GDF5: variants seen among roughly 807,000 people sequenced by gnomAD.
GDF5 encodes the protein growth differentiation factor 5, also known as growth/differentiation factor 5.
A neutral mutation model predicts 34.6 loss-of-function variants in GDF5; 17 were observed. The ratio of observed to expected loss-of-function variants is 0.49; its 90% CI spans 0.34 to 0.74. GDF5 has a LOEUF of 0.74. Among genes scored for constraint, GDF5 ranks in the 30% least tolerant of loss-of-function variants. The pLI, the probability that GDF5 is intolerant of heterozygous loss-of-function variation, is 0.01. For synonymous variants in GDF5, 332 were observed against 290.7 expected (o/e 1.14, Z -1.44); for missense variants, 616 against 661.2 (o/e 0.93, Z 0.75).
chr20:35,444,226 G>A (rs1236979165), intron 1 of GDF5, among the ~76,000 whole-genome samples: 3 of 152,174 alleles, frequency 2.0e-5, no homozygotes, highest in Non-Finnish European at 4.4e-5. Flanking sequence ...TCACATTCTG[G>A]TGGAAGAGAC....
At chr20:35,449,430 C>T (rs1049507547) in intron 1 of GDF5, among the ~76,000 whole-genome samples, 38 of 152,148 alleles carry the variant, frequency 2.5e-4, no homozygotes, top group African/African-American at 8.4e-4. Context: ...TAGTGCACCA[C>T]CACACCTGGC....
At position 35,434,700 on chromosome 20, in the gene GDF5, G is replaced by A. The variant is rs775310162; in HGVS notation, c.715C>T (p.Leu239=). The A allele has an allele frequency of 6.2e-7, 1 of 1,612,558 alleles. No individual in the cohort carries two copies. Among genetic ancestry groups the A allele is most frequent in the Admixed American group, 1.7e-5 (1 of 60,012 alleles). The part of the protein sequence containing the change: ...LEKDGLLGAE[L]RILRKKPSDT... ...GAGGGCTTCTTCCGCAAGATCCGCA[G>A]CTCGGCCCCCAGCAGCCCATCCTTC... The change falls in exon 2 of 2, where the codon CTG becomes TTG. Residue 239 remains leucine, a synonymous_variant. Coordinates refer to ENST00000374369, the MANE Select transcript of GDF5 (RefSeq NM_000557.5).
chr20:35,435,506 T>C (rs1022326739), intron 1 of GDF5: 2 of 129,664 alleles, frequency 1.5e-5, no homozygotes, highest in African/African-American at 5.8e-5. Context: ...AAATACACGC[T>C]TTTCCAGAGG....
At chr20:35,443,141 GA>G (rs2062503406), upstream of GDF5, among the ~76,000 whole-genome samples, 1 of 152,150 alleles carries the variant, frequency 6.6e-6, no homozygotes, top group Non-Finnish European at 1.5e-5. Context: ...AGCTTGGTTA[GA>G]AGGCCCTCTC....
At chr20:35,439,236 CTTT>C (rs1210665697), upstream of GDF5, among the ~76,000 whole-genome samples, 1 of 129,240 alleles carries the variant, frequency 7.7e-6, no homozygotes, top group Non-Finnish European at 1.6e-5. Flanking sequence ...CCACATGACG[CTTT>C]TTTTTTTTTT....
At chr20:35,448,922 A>G (rs980139172) in intron 1 of GDF5, among the ~76,000 whole-genome samples, 5 of 152,202 alleles carry the variant, frequency 3.3e-5, no homozygotes, top group Admixed American at 2.6e-4. Flanking sequence ...TAGGACTGGA[A>G]TAAGAACTGC....
At chr20:35,450,795 C>T (rs2062528606) in intron 1 of GDF5, among the ~76,000 whole-genome samples, 1 of 151,834 alleles carries the variant, frequency 6.6e-6, no homozygotes, top group Non-Finnish European at 1.5e-5. Context: ...AGGCAGGAAG[C>T]ATATCCTGGT....
At chr20:35,446,766 C>T (rs1286077927) in intron 1 of GDF5, among the ~76,000 whole-genome samples, 1 of 152,118 alleles carries the variant, frequency 6.6e-6, no homozygotes, top group Non-Finnish European at 1.5e-5. Flanking sequence ...ACCCAAGACC[C>T]TAATTCTGAA....
In GDF5 at chr20:35,438,134, T is replaced by G. The variant is rs1209131022; in HGVS notation, c.-206A>C. ...GTATCCAGTCCCATAGTGGAAATGC[T>G]CTCGTATCCAGACGTGCACCGTCTC... On this transcript the variant is annotated 5_prime_UTR_variant, in exon 1 of 2. Transcript: ENST00000374369. 2 of 624,192 alleles carry G rather than the reference T, an allele frequency of 3.2e-6. No homozygotes were observed. The highest frequency in any genetic ancestry group is 5.7e-6 in the Non-Finnish European group (2 of 352,858). The allele number at this position is 624,192 out of a possible 1,614,324, so 38.7% of individuals were successfully genotyped here.
In GDF5 at chr20:35,433,989, T is replaced by G; in HGVS notation, c.1426A>C (p.Ile476Leu). 1 of 1,613,806 alleles carries G rather than the reference T, an allele frequency of 6.2e-7. No individual in the cohort carries two copies. Among genetic ancestry groups the G allele is most frequent in the Non-Finnish European group, 8.5e-7 (1 of 1,179,718 alleles). ...CVPTRLSPIS[I>L]LFIDSANNVV... ...TTGTTGGCAGAGTCAATGAAGAGGA[T>G]GCTGATGGGACTCAGCCGCGTGGGC... Residue 476 changes from isoleucine (I) to leucine (L), a missense_variant, in exon 2 of 2, where the codon ATC becomes CTC. Coordinates refer to ENST00000374369, the MANE Select transcript of GDF5 (RefSeq NM_000557.5).
chr20:35,441,084 T>C (rs1333556805), upstream of GDF5: 1 of 152,244 alleles, frequency 6.6e-6, no homozygotes, highest in African/African-American at 2.4e-5. Context: ...AACCACAATG[T>C]CTCTGTACGT....
chr20:35,453,829 CCATT>C, intron 1 of GDF5: 1 of 496,092 alleles, frequency 2.0e-6, no homozygotes, highest in Non-Finnish European at 4.2e-6. Flanking sequence ...ACTCATTCAC[CCATT>C]CACTCAGCAC....
Position 35,433,888 on chromosome 20 carries a change from G to T in GDF5, c.*21C>A, listed in dbSNP as rs767358661. The T allele has an allele frequency of 1.2e-6, 2 of 1,607,612 alleles. No homozygotes were observed. The highest frequency in any genetic ancestry group is 1.1e-5 in the South Asian group (1 of 90,852). On this transcript the variant is annotated 3_prime_UTR_variant, in exon 2 of 2. Coordinates refer to ENST00000374369, the MANE Select transcript of GDF5 (RefSeq NM_000557.5). ...GGGGCTCTTGGGATGTGCCACCCAG[G>T]AAGACAGAGGGCCAGTGCTGCTACC...
chr20:35,441,769 T>C (rs2062498734), upstream of GDF5, among the ~76,000 whole-genome samples: 1 of 152,106 alleles, frequency 6.6e-6, no homozygotes, highest in African/African-American at 2.4e-5. Context: ...AGCTATTTTT[T>C]TTAAAGCACT....
upstream of GDF5, among the ~76,000 whole-genome samples, chr20:35,441,593 T>G (rs908464243): frequency 4.0e-5 from 6 of 151,444 alleles, no homozygotes; most frequent in East Asian, 7.9e-4. Context: ...TAGCTGGGAC[T>G]ACAGGTGCGT....
Position 35,435,108 on chromosome 20 carries a change from T to C in GDF5, c.632-325A>G, listed in dbSNP as rs1032862706. 6.7e-6 allele frequency: 4 copies of C among 598,238 alleles called. No homozygotes were observed. In the African/African-American group the frequency reaches 7.5e-5, roughly 11 times the overall value. The allele number at this position is 598,238 out of a possible 1,614,324, so 37.1% of individuals were successfully genotyped here. On this transcript the variant is annotated intron_variant, in intron 1 of 1. Coordinates refer to ENST00000374369, the MANE Select transcript of GDF5 (RefSeq NM_000557.5). The stretch of plus-strand genomic sequence containing the variant: ...CTTCTACCTATCTCTCTCCCAGCCA[T>C]GAGCTAACGTGATGTCTCATTTGTG...
rs755386910 is a variant in GDF5, at chr20:35,437,832, G to T, written c.97C>A (p.Gln33Lys). ...CCTGGCCTGGTCCCCTGGGGTCTCT[G>T]GCCCAAGTCAGGGGCACCCAACACA... ...CTVLGAPDLG[Q>K]RPQGTRPGLA... The change falls in exon 1 of 2, where the codon CAG (glutamine) becomes AAG (lysine). Residue 33 changes from glutamine to lysine, a missense_variant. Physicochemically the swap from Gln to Lys is moderately conservative, Grantham distance 53 (BLOSUM62 1). Coordinates refer to ENST00000374369, the MANE Select transcript of GDF5 (RefSeq NM_000557.5). 5.6e-6 allele frequency: 9 copies of T among 1,613,928 alleles called. 1 individual carries two copies. In the South Asian group the frequency reaches 9.9e-5, roughly 18 times the overall value.
At chr20:35,450,857 G>A (rs1172582697) in intron 1 of GDF5, among the ~76,000 whole-genome samples, 1 of 151,386 alleles carries the variant, frequency 6.6e-6, no homozygotes, top group Non-Finnish European at 1.5e-5. Context: ...AGATTCTCAT[G>A]GAAGCCCCCT....
At chr20:35,451,058 A>ATATATATAT (rs2062530316) in intron 1 of GDF5, among the ~76,000 whole-genome samples, 1 of 67,626 alleles carries the variant, frequency 1.5e-5, no homozygotes, top group Non-Finnish European at 2.8e-5. Flanking sequence ...AAAAAAAAAA[A>ATATATATAT]AAAAAAATAT....
Sources: allele counts gnomAD v4.1 joint callset (sites outside exome capture counted in the v4.1 genomes callset), GRCh38; gene constraint gnomAD v4.1.1; transcripts MANE v1.5; gene names NCBI Gene and HGNC (gene_info 2026-07-23, HGNC 2026-07-21).